AK8: variants seen among roughly 807,000 people sequenced by gnomAD.
AK8 encodes ATP-AMP transphosphorylase 8.
AK8 carries 44 observed loss-of-function variants against 54.6 expected under a neutral mutation model. That is an observed-to-expected ratio of 0.81 (90% CI 0.63 to 1.04). AK8 has a LOEUF of 1.04. Ranked by LOEUF, AK8 falls within the 50% of genes least tolerant of loss-of-function variation. The pLI, the probability that AK8 is intolerant of heterozygous loss-of-function variation, is 0.00. For missense variants in AK8, 555 were observed against 613.6 expected (o/e 0.90, Z 1.01); for synonymous variants, 239 against 245.6 (o/e 0.97, Z 0.25).
intron 5 of AK8, among the ~76,000 whole-genome samples, chr9:132,835,589 T>C (rs982620611): frequency 2.0e-5 from 3 of 152,246 alleles, no homozygotes; most frequent in Non-Finnish European, 4.4e-5. Context: ...ACAGCCAATG[T>C]GTGACTTTCA....
chr9:132,873,615 C>T (rs1843952509), intron 2 of AK8, among the ~76,000 whole-genome samples: 1 of 152,084 alleles, frequency 6.6e-6, no homozygotes. Context: ...CTTTGCGGTC[C>T]ATTCTTTCTC....
At chr9:132,838,092 T>A (rs1842398755) in intron 5 of AK8, among the ~76,000 whole-genome samples, 1 of 152,208 alleles carries the variant, frequency 6.6e-6, no homozygotes, top group African/African-American at 2.4e-5. Flanking sequence ...GAAAGTGGTG[T>A]AATTAATGCC....
rs554977855 is a variant in AK8, at chr9:132,747,972, G to A, written c.1122-20438C>T. 9.9e-5 allele frequency among the ~76,000 whole-genome samples: 15 copies of A among 151,336 alleles called. 1 individual carries two copies. The highest frequency in any genetic ancestry group is 5.9e-4 in the East Asian group (3 of 5,084). The stretch of plus-strand genomic sequence containing the variant: ...AAATTAGCCGAGCATGGTGATGGGC[G>A]CCTGTAGTCTCAGCTACTTGGGAGG... On this transcript the variant is annotated intron_variant, in intron 11 of 12. Transcript: ENST00000298545.
chr9:132,813,002 G>A (rs805064), intron 10 of AK8, among the ~76,000 whole-genome samples: 2 of 88,914 alleles, frequency 2.2e-5, no homozygotes, highest in Non-Finnish European at 4.7e-5. Flanking sequence ...GACCAGACCC[G>A]CTCACTGCCC....
rs1432065129 is a variant in AK8, at chr9:132,875,419, A to C, written c.85-220T>G. 2.0e-5 allele frequency among the ~76,000 whole-genome samples: 3 copies of C among 152,154 alleles called. No individual in the cohort carries two copies. In the East Asian group the frequency reaches 5.8e-4, roughly 29 times the overall value. ...GCTGCGGAGGCACCTATGGGGAGGC[A>C]GAAGTGGAGGAGTCTCGCCCCTGAT... is the stretch of plus-strand genomic sequence containing the variant. On this transcript the variant is annotated intron_variant, in intron 1 of 12. Coordinates refer to ENST00000298545, the MANE Select transcript of AK8 (RefSeq NM_152572.3).
intron 11 of AK8, among the ~76,000 whole-genome samples, chr9:132,768,289 C>T (rs1035947016): frequency 9.6e-5 from 14 of 146,490 alleles, no homozygotes; most frequent in African/African-American, 2.5e-4. Flanking sequence ...TTTTTTGAGA[C>T]GGAGTTTCGC....
chr9:132,788,038 A>C (rs957026311), intron 11 of AK8, among the ~76,000 whole-genome samples: 5 of 152,128 alleles, frequency 3.3e-5, no homozygotes, highest in Non-Finnish European at 7.4e-5. Context: ...ACCAAAAAAA[A>C]AACAACAACC....
At chr9:132,844,297 CAAAAA>C (rs35309762) in intron 5 of AK8, among the ~76,000 whole-genome samples, 1 of 92,652 alleles carries the variant, frequency 1.1e-5, no homozygotes, top group Non-Finnish European at 2.0e-5. Flanking sequence ...TGCATTAGAC[CAAAAA>C]AAAAAAAAAA....
At chr9:132,863,605 T>C in intron 4 of AK8, 60 bp downstream of exon 4, 1 of 1,157,318 alleles carries the variant, frequency 8.6e-7, no homozygotes, top group East Asian at 2.4e-5. Flanking sequence ...CAGGTGGCAG[T>C]GGGTGTGGCA....
At chr9:132,839,071 G>A (rs778772116) in intron 5 of AK8, among the ~76,000 whole-genome samples, 22 of 151,942 alleles carry the variant, frequency 1.4e-4, no homozygotes, top group Non-Finnish European at 2.8e-4. Flanking sequence ...AGCCTCCTAA[G>A]TAGTTAGGAT....
intron 5 of AK8, among the ~76,000 whole-genome samples, chr9:132,829,685 C>T (rs1360726312): frequency 6.6e-6 from 1 of 151,984 alleles, no homozygotes; most frequent in African/African-American, 2.4e-5. Context: ...CATCAGCCCC[C>T]TCTTGGTACA....
chr9:132,787,730 A>C (rs1839776823), intron 11 of AK8, among the ~76,000 whole-genome samples: 1 of 152,150 alleles, frequency 6.6e-6, no homozygotes, highest in African/African-American at 2.4e-5. Context: ...GGCAATCCCA[A>C]AATGATTGTT....
At chr9:132,743,646 ACTT>A (rs1275870571) in intron 11 of AK8, among the ~76,000 whole-genome samples, 2 of 152,138 alleles carry the variant, frequency 1.3e-5, no homozygotes, top group African/African-American at 4.8e-5. Context: ...CAAGTGTTTT[ACTT>A]CTTGGTTTTA....
chr9:132,730,753 A>C (rs556730686), intron 11 of AK8, among the ~76,000 whole-genome samples: 8 of 152,304 alleles, frequency 5.3e-5, no homozygotes, highest in Admixed American at 2.6e-4. Flanking sequence ...CAAACTGCTG[A>C]CTACATGGAG....
intron 9 of AK8, among the ~76,000 whole-genome samples, chr9:132,816,214 T>C (rs1841319673): frequency 6.6e-6 from 1 of 151,376 alleles, no homozygotes; most frequent in African/African-American, 2.4e-5. Context: ...ATTAGCCCAG[T>C]GTGGTGGTGG....
At chr9:132,862,843 G>A (rs1843443796) in intron 4 of AK8, among the ~76,000 whole-genome samples, 1 of 152,122 alleles carries the variant, frequency 6.6e-6, no homozygotes, top group Non-Finnish European at 1.5e-5. Flanking sequence ...CGAGAACACA[G>A]GAGACAAGAA....
rs558744840 is a variant in AK8, at chr9:132,731,361, G to A, written c.1122-3827C>T. On this transcript the variant is annotated intron_variant, in intron 11 of 12. Coordinates refer to ENST00000298545, the MANE Select transcript of AK8 (RefSeq NM_152572.3). ...ACTGGATGAAGGAGCTCCTAGCAAC[G>A]TGGTAAAGGATTCTTTTGGGCGTGT... Among the ~76,000 whole-genome samples the A allele has an allele frequency of 4.6e-5, 7 of 152,224 alleles. No individual in the cohort carries two copies. In the East Asian group the frequency reaches 1.2e-3, roughly 25 times the overall value.
intron 10 of AK8, among the ~76,000 whole-genome samples, chr9:132,802,921 G>A (rs142763694): frequency 2.9e-4 from 44 of 152,302 alleles, no homozygotes; most frequent in Non-Finnish European, 5.0e-4. Flanking sequence ...GGCTACAAGA[G>A]ATACTTGGGG....
chr9:132,796,854 A>G (rs1405558161), intron 10 of AK8, among the ~76,000 whole-genome samples: 1 of 151,520 alleles, frequency 6.6e-6, no homozygotes, highest in Non-Finnish European at 1.5e-5. Flanking sequence ...TTCACGCTCC[A>G]TGAATCGGAC....
Sources: gnomAD v4.1 joint callset for allele counts (sites outside exome capture counted in the v4.1 genomes callset) on GRCh38, gnomAD v4.1.1 for gene constraint, MANE v1.5 for transcripts, NCBI Gene and HGNC (gene_info 2026-07-23, HGNC 2026-07-21) for gene names.